SMC3: variants seen among roughly 807,000 people sequenced by gnomAD.
The protein encoded by SMC3 is structural maintenance of chromosomes protein 3.
A neutral mutation model predicts 171.8 loss-of-function variants in SMC3; 20 were observed. That is an observed-to-expected ratio of 0.12 (90% CI 0.08 to 0.17). The LOEUF is 0.17. SMC3 is among the 10% of genes least tolerant of loss of function. The probability of loss-of-function intolerance (pLI) is 1.00; values close to 1 mark genes in which losing one functional copy is unlikely to be tolerated. For missense variants in SMC3, 543 were observed against 1,420.4 expected, an observed-to-expected ratio of 0.38 and a Z score of 9.93; for synonymous variants, 464 against 451.1, an observed-to-expected ratio of 1.03 and a Z score of -0.36.
At chr10:110,577,626 CAA>C in intron 5 of SMC3, 134 bp downstream of exon 5, 1 of 729,154 alleles carries the variant, frequency 1.4e-6, no homozygotes, top group Non-Finnish European at 2.3e-6. Flanking sequence ...CTTAAAATGA[CAA>C]TGAATACTCT....
In SMC3 at chr10:110,601,919, C is replaced by T. The variant is rs990799380; in HGVS notation, c.2892+35C>T. 4.3e-6 allele frequency: 7 copies of T among 1,611,906 alleles called. No homozygotes were observed. The African/African-American group carries it at 8.0e-5, about 18-fold the overall frequency. On this transcript the variant is annotated intron_variant, in intron 24 of 28. Coordinates refer to ENST00000361804, the MANE Select transcript of SMC3 (RefSeq NM_005445.4). ...AAATTTGAAGTCTTGTTACAAATTG[C>T]TCAGTATATAAATTTATTTATATGA...
chr10:110,573,663 T>C, intron 2 of SMC3, 44 bp from the exon 3 acceptor site: 2 of 1,327,462 alleles, frequency 1.5e-6, no homozygotes, highest in East Asian at 2.3e-5. Context: ...TTTAATTTTA[T>C]TGGTTTTTAT....
intron 2 of SMC3, 108 bp downstream of exon 2, chr10:110,569,121 AGTTAT>A (rs1860827914): frequency 2.6e-6 from 2 of 764,766 alleles, no homozygotes; most frequent in African/African-American, 3.5e-5. Flanking sequence ...TTGAATATTA[AGTTAT>A]ATTTTTCTGC....
chr10:110,572,880 C>G (rs1279434726), intron 2 of SMC3, among the ~76,000 whole-genome samples: 1 of 152,042 alleles, frequency 6.6e-6, no homozygotes, highest in East Asian at 1.9e-4. Flanking sequence ...GATTATTCCC[C>G]CCACCAATAA....
rs761485429 is a variant in SMC3, at chr10:110,606,040, GAAAC to G, written c.*1742_*1745del. On this transcript the variant is annotated 3_prime_UTR_variant, in exon 29 of 29. Transcript: ENST00000361804. ...TATAACAATAAAGCATCTAAATAAT[GAAAC>G]AAAATTTTTGTAAAAGCCTATATTC... 1.3e-5 allele frequency among the ~76,000 whole-genome samples: 2 copies of G among 152,100 alleles called. No individual in the cohort carries two copies. The highest frequency in any genetic ancestry group is 2.9e-5 in the Non-Finnish European group (2 of 68,002).
At chr10:110,587,559 G>A (rs908613823) in intron 13 of SMC3, among the ~76,000 whole-genome samples, 11 of 152,194 alleles carry the variant, frequency 7.2e-5, no homozygotes, top group Admixed American at 2.0e-4. Context: ...GGTGGCGGGC[G>A]CCTGTAGTGC....
intron 13 of SMC3, among the ~76,000 whole-genome samples, chr10:110,589,327 C>T (rs1283886075): frequency 1.3e-5 from 2 of 152,168 alleles, no homozygotes; most frequent in African/African-American, 2.4e-5. Context: ...TAGTGTACAT[C>T]ATTTTTCCTA....
At position 110,596,529 on chromosome 10, in the gene SMC3, A is replaced by C. The variant is rs942871036; in HGVS notation, c.2095A>C (p.Asn699His). Residue 699 changes from asparagine (N) to histidine (H), a missense_variant, in exon 19 of 29, where the codon AAC (asparagine) becomes CAC (histidine). Asn to His is a moderately conservative substitution (Grantham distance 68). Transcript: ENST00000361804. ...LGELEAKLNENLRRNIERINN... is the reference protein window; with the variant it reads ...LGELEAKLNEHLRRNIERINN... ...TGAACTTGAAGCAAAGCTCAATGAA[A>C]ACCTGCGCAGAAATATTGAAAATAT... 1.2e-6 allele frequency: 2 copies of C among 1,613,966 alleles called. No homozygotes were observed. Among genetic ancestry groups the C allele is most frequent in the Admixed American group, 1.7e-5 (1 of 59,996 alleles).
chr10:110,605,871 C>A lies in SMC3; in HGVS notation c.*1569C>A, dbSNP rs1408447649. Reference sequence around the variant, plus strand: ...GTAGAGTTGCTCTGATATGACCAACCCCTTATAATACAGAATTTGGTGTAA... The same window carrying A: ...GTAGAGTTGCTCTGATATGACCAACACCTTATAATACAGAATTTGGTGTAA... On this transcript the variant is annotated 3_prime_UTR_variant, in exon 29 of 29. Coordinates refer to ENST00000361804, the MANE Select transcript of SMC3 (RefSeq NM_005445.4). Among the ~76,000 whole-genome samples the A allele has an allele frequency of 6.6e-6, 1 of 152,034 alleles. No homozygotes were observed. Among genetic ancestry groups the A allele is most frequent in the African/African-American group, 2.4e-5 (1 of 41,384 alleles).
intron 22 of SMC3, 128 bp from the exon 23 acceptor site, chr10:110,600,894 A>G (rs1230787407): frequency 2.8e-6 from 2 of 707,108 alleles, no homozygotes; most frequent in South Asian, 1.8e-5. Context: ...GGATACTTCT[A>G]AGTATTTGTA....
At position 110,590,713 on chromosome 10, in the gene SMC3, T is replaced by C. The variant is rs1861193100; in HGVS notation, c.1670+141T>C. 5.3e-6 allele frequency: 4 copies of C among 756,332 alleles called. No homozygotes were observed. In the East Asian group the frequency reaches 1.1e-4, roughly 20 times the overall value. 46.9% of individuals were successfully genotyped at this position (756,332 alleles called of 1,614,324 possible). On this transcript the variant is annotated intron_variant, in intron 16 of 28. Transcript: ENST00000361804. Reference sequence around the variant, plus strand: ...TTAACTTTCTAATTAAAGAAGTAGATGCTAAGTATTTGTTCCTAATTATAG... The same window carrying C: ...TTAACTTTCTAATTAAAGAAGTAGACGCTAAGTATTTGTTCCTAATTATAG...
chr10:110,577,492 A>G lies in SMC3; in HGVS notation c.270A>G (p.Pro90=), dbSNP rs1860969562. 3.1e-6 allele frequency: 5 copies of G among 1,603,114 alleles called. No individual in the cohort carries two copies. The East Asian group carries it at 6.7e-5, about 22-fold the overall frequency. The part of the protein sequence containing the change: ...IIFDNSDNRL[P]IDKEEVSLRR... Reference sequence around the variant, plus strand: ...TTGATAATTCAGACAACCGGTTACCAGTAAGTAACTTTTTTTTTAAAGTAA... The same window carrying G: ...TTGATAATTCAGACAACCGGTTACCGGTAAGTAACTTTTTTTTTAAAGTAA... Residue 90 remains proline, a splice_region_variant and synonymous_variant, in exon 5 of 29, where the codon CCA becomes CCG. Coordinates refer to ENST00000361804, the MANE Select transcript of SMC3 (RefSeq NM_005445.4).
chr10:110,592,277 AAT>A (rs1491150572), intron 17 of SMC3, among the ~76,000 whole-genome samples: 1 of 151,750 alleles, frequency 6.6e-6, no homozygotes, highest in Non-Finnish European at 1.5e-5. Flanking sequence ...AAAAAAAAAA[AAT>A]TTTATAGAAC....
chr10:110,602,597 A>C lies in SMC3; in HGVS notation c.3229A>C (p.Ser1077Arg). The C allele has an allele frequency of 1.2e-6, 2 of 1,613,968 alleles. No homozygotes were observed. Among genetic ancestry groups the C allele is most frequent in the Non-Finnish European group, 1.7e-6 (2 of 1,179,894 alleles). Residue 1077 changes from serine to arginine, a missense_variant, in exon 26 of 29, where the codon AGT becomes CGT. Physicochemically the swap from Ser to Arg is moderately radical, Grantham distance 110. Around this residue, in one of 8 missense-constraint regions of SMC3, gnomAD observed 34 missense variants for 59.1 expected, o/e 0.58. Coordinates refer to ENST00000361804, the MANE Select transcript of SMC3 (RefSeq NM_005445.4). The part of the protein sequence containing the change: ...SQDEGEGSGE[S>R]ERGSGSQSSV... ...AGATGAAGGAGAAGGGAGTGGTGAG[A>C]GTGAGAGGGGTTCTGGCTCACAAAG...
At chr10:110,602,290 C>A in intron 25 of SMC3, 112 bp downstream of exon 25, 1 of 1,052,522 alleles carries the variant, frequency 9.5e-7, no homozygotes, top group Non-Finnish European at 1.5e-6. Context: ...GAATCTAATA[C>A]ATGTGAACAA....
At position 110,593,085 on chromosome 10, in the gene SMC3, A is replaced by G; in HGVS notation, c.1825A>G (p.Met609Val). The change falls in exon 18 of 29, where the codon ATG becomes GTG. Residue 609 changes from methionine to valine, a missense_variant. Coordinates refer to ENST00000361804, the MANE Select transcript of SMC3 (RefSeq NM_005445.4). ...AYPETNDAIPMISKLRYNPRF... is the reference protein window; with the variant it reads ...AYPETNDAIPVISKLRYNPRF... ...ATTTCATTTTTAGGATGCTATTCCT[A>G]TGATCAGCAAACTGAGGTACAATCC... is the stretch of plus-strand genomic sequence containing the variant. 3 of 1,613,982 alleles carry G rather than the reference A, an allele frequency of 1.9e-6. No individual in the cohort carries two copies. The highest frequency in any genetic ancestry group is 2.5e-6 in the Non-Finnish European group (3 of 1,179,844).
At chr10:110,583,800 C>A in intron 11 of SMC3, 41 bp from the exon 12 acceptor site, 1 of 1,601,804 alleles carries the variant, frequency 6.2e-7, no homozygotes, top group Non-Finnish European at 8.5e-7. Context: ...CTAAATTATG[C>A]AAAAAATTTA....
At chr10:110,581,493 A>G (rs1040660164) in intron 8 of SMC3, among the ~76,000 whole-genome samples, 1 of 151,980 alleles carries the variant, frequency 6.6e-6, no homozygotes, top group Non-Finnish European at 1.5e-5. Context: ...TGCTGGGATT[A>G]CTCATGAGCC....
At chr10:110,573,787 G>GTATC (rs751834053) in intron 3 of SMC3, 42 bp downstream of exon 3, 1 of 1,199,520 alleles carries the variant, frequency 8.3e-7, no homozygotes, top group Non-Finnish European at 1.2e-6. Context: ...TAAGACCTGG[G>GTATC]TATCTTAGGG....
Sources: allele counts gnomAD v4.1 joint callset (sites outside exome capture counted in the v4.1 genomes callset), GRCh38; gene constraint gnomAD v4.1.1; regional missense constraint gnomAD v4.1.1; transcripts MANE v1.5; gene names NCBI Gene and HGNC (gene_info 2026-07-23, HGNC 2026-07-21).